FGF16: variants seen among roughly 807,000 people sequenced by gnomAD.
The protein encoded by FGF16 is metacarpal 4-5 fusion.
FGF16 carries 2 observed loss-of-function variants against 8.5 expected under a neutral mutation model. That is an observed-to-expected ratio of 0.24 (90% CI 0.10 to 0.75). The LOEUF (loss-of-function observed/expected upper bound fraction) is 0.75. Among genes scored for constraint, FGF16 ranks in the 30% least tolerant of loss-of-function variants. The probability of loss-of-function intolerance (pLI) is 0.74; values close to 1 mark genes in which losing one functional copy is unlikely to be tolerated. For synonymous variants in FGF16, 33 were observed against 34.6 expected, an observed-to-expected ratio of 0.95 and a Z score of 0.16; for missense variants, 79 against 87.4, an observed-to-expected ratio of 0.90 and a Z score of 0.38.
At chrX:77,454,802 T>A (rs886892361) in intron 2 of FGF16, among the ~76,000 whole-genome samples, 1 of 84,816 alleles carries the variant, frequency 1.2e-5, no homozygotes, top group East Asian at 3.7e-4. Flanking sequence ...TTTTTTTTTT[T>A]TTTTTTTGCT....
chrX:77,450,091 A>T (rs2062552508), intron 1 of FGF16, among the ~76,000 whole-genome samples: 1 of 112,344 alleles, frequency 8.9e-6, no homozygotes. Flanking sequence ...TCCACATTTG[A>T]GTTAATCAGC....
chrX:77,453,102 G>C (rs2062562028), intron 1 of FGF16, among the ~76,000 whole-genome samples: 1 of 111,165 alleles, frequency 9.0e-6, no homozygotes, highest in African/African-American at 3.3e-5. Flanking sequence ...CAAAAAAACA[G>C]AATTGCAATT....
chrX:77,450,694 C>T (rs1428179481), intron 1 of FGF16, among the ~76,000 whole-genome samples: 4 of 112,542 alleles, frequency 3.6e-5, no homozygotes, highest in Non-Finnish European at 7.5e-5. Flanking sequence ...TTAAATGACA[C>T]ATTAGACAGT....
intron 1 of FGF16, among the ~76,000 whole-genome samples, chrX:77,450,693 A>C (rs142597272): frequency 8.9e-6 from 1 of 112,707 alleles, no homozygotes; most frequent in Non-Finnish European, 1.9e-5. Flanking sequence ...ATTAAATGAC[A>C]CATTAGACAG....
Position 77,456,557 on chromosome X carries a change from C to A in FGF16, c.*35C>A, listed in dbSNP as rs2062573138. 8 of 1,171,818 alleles carry A rather than the reference C, an allele frequency of 6.8e-6. No individual in the cohort carries two copies. Among genetic ancestry groups the A allele is most frequent in the Non-Finnish European group, 8.1e-6 (7 of 864,560 alleles). ...GGTGTGCCCTCTGTGACCCATGTAC[C>A]CTGGGGCCACGGTTGTCTCTGCAAG... On this transcript the variant is annotated 3_prime_UTR_variant, in exon 3 of 3. Coordinates refer to ENST00000439435, the MANE Select transcript of FGF16 (RefSeq NM_003868.3).
At chrX:77,450,945 G>T (rs2062555510) in intron 1 of FGF16, among the ~76,000 whole-genome samples, 1 of 111,900 alleles carries the variant, frequency 8.9e-6, no homozygotes, top group Non-Finnish European at 1.9e-5. Context: ...CCCCTGTCCA[G>T]CTGTAGCTGG....
At position 77,447,486 on chromosome X, in the gene FGF16, C is replaced by T. The variant is rs1033066225; in HGVS notation, c.-189C>T. On this transcript the variant is annotated 5_prime_UTR_variant, in exon 1 of 3. Coordinates refer to ENST00000439435, the MANE Select transcript of FGF16 (RefSeq NM_003868.3). ...TCAGGAGCACGCTGCCCCGCGCTCC[C>T]CGCCACTGAGAAGTTCCTTGGACGC... 121 of 277,356 alleles carry T rather than the reference C, an allele frequency of 4.4e-4. No individual in the cohort carries two copies. The highest frequency in any genetic ancestry group is 7.2e-4 in the Non-Finnish European group (114 of 158,385). The allele number at this position is 277,356 out of a possible 1,213,427, so 22.9% of individuals were successfully genotyped here.
At chrX:77,453,818 C>A (rs1368299902) in intron 1 of FGF16, among the ~76,000 whole-genome samples, 1 of 111,619 alleles carries the variant, frequency 9.0e-6, no homozygotes, top group African/African-American at 3.3e-5. Context: ...AGAAAACTTC[C>A]CGTTTCTTGA....
intron 1 of FGF16, among the ~76,000 whole-genome samples, chrX:77,450,566 A>G (rs1213725488): frequency 1.8e-5 from 2 of 112,821 alleles, no homozygotes; most frequent in Non-Finnish European, 3.7e-5. Context: ...GGGCTCATGC[A>G]GCTGCCTTGG....
intron 1 of FGF16, among the ~76,000 whole-genome samples, chrX:77,453,476 C>A (rs1465970986): frequency 8.9e-6 from 1 of 112,420 alleles, no homozygotes; most frequent in Non-Finnish European, 1.9e-5. Context: ...CACCTGCCAA[C>A]TCTTTGCTGT....
rs782317053 is a variant in FGF16 at position 77,456,305 on chromosome X, G to A, written c.407G>A (p.Arg136Gln). ...SKKLTRECVF[R>Q]EQFEENWYNT... ...AAACTCACACGTGAATGTGTTTTCC[G>A]GGAACAGTTTGAAGAAAACTGGTAC... The change falls in exon 3 of 3, where the codon CGG becomes CAG. Residue 136 changes from arginine (R) to glutamine (Q), a missense_variant. By Grantham distance (43) the Arg-to-Gln change is conservative. Transcript: ENST00000439435. The A allele has an allele frequency of 9.1e-6, 11 of 1,208,700 alleles. No individual in the cohort carries two copies. The East Asian group carries it at 2.4e-4, about 26-fold the overall frequency.
At chrX:77,451,829 C>T (rs1252814822) in intron 1 of FGF16, among the ~76,000 whole-genome samples, 1 of 112,046 alleles carries the variant, frequency 8.9e-6, no homozygotes. Context: ...GCCACATTTC[C>T]CCATTGCAGA....
At position 77,456,309 on chromosome X, in the gene FGF16, A is replaced by C. The variant is rs781941470; in HGVS notation, c.411A>C (p.Glu137Asp). 5 of 1,207,089 alleles carry C rather than the reference A, an allele frequency of 4.1e-6. No homozygotes were observed. The highest frequency in any genetic ancestry group is 5.6e-6 in the Non-Finnish European group (5 of 892,381). The change falls in exon 3 of 3, where the codon GAA becomes GAC. Residue 137 changes from glutamate to aspartate, a missense_variant. Coordinates refer to ENST00000439435, the MANE Select transcript of FGF16 (RefSeq NM_003868.3). ...KKLTRECVFR[E>D]QFEENWYNTY... is the part of the protein sequence containing the mutation. ...TCACACGTGAATGTGTTTTCCGGGA[A>C]CAGTTTGAAGAAAACTGGTACAACA...
At position 77,457,194 on chromosome X, in the gene FGF16, C is replaced by T; in HGVS notation, c.*672C>T. ...AGAGATGCGATGGCTGGATTTTCAT[C>T]AGAAAGAATAAGGTCCTACTGAAAC... On this transcript the variant is annotated 3_prime_UTR_variant, in exon 3 of 3. Coordinates refer to ENST00000439435, the MANE Select transcript of FGF16 (RefSeq NM_003868.3). 1 of 111,621 alleles carries T rather than the reference C, an allele frequency of 9.0e-6. No homozygotes were observed. The highest frequency in any genetic ancestry group is 3.8e-4 in the South Asian group (1 of 2,659). The allele number at this position is 111,621 out of a possible 1,213,427, so 9.2% of individuals were successfully genotyped here.
Position 77,456,736 on chromosome X carries a change from G to T in FGF16, c.*214G>T. On this transcript the variant is annotated 3_prime_UTR_variant, in exon 3 of 3. Transcript: ENST00000439435. ...GAGGGATGGGGGGCTGGGCTCGAGG[G>T]AATCTTGTATATACTTTTTTCTTTA... is the stretch of plus-strand genomic sequence containing the variant. 2.7e-6 allele frequency: 1 copy of T among 371,043 alleles called. No individual in the cohort carries two copies. The highest frequency in any genetic ancestry group is 4.7e-6 in the Non-Finnish European group (1 of 214,111). The allele number at this position is 371,043 out of a possible 1,213,427, so 30.6% of individuals were successfully genotyped here.
In FGF16 at chrX:77,447,533, C is replaced by T. The variant is rs1386449203; in HGVS notation, c.-142C>T. 2 of 282,912 alleles carry T rather than the reference C, an allele frequency of 7.1e-6. No individual in the cohort carries two copies. Among genetic ancestry groups the T allele is most frequent in the South Asian group, 2.3e-4 (1 of 4,388 alleles). The allele number at this position is 282,912 out of a possible 1,213,427, so 23.3% of individuals were successfully genotyped here. ...ACGCGAACAGACGTCGACTGCAGCT[C>T]GGCAGAGCGCGGAGCAAGCGAGCTA... On this transcript the variant is annotated 5_prime_UTR_variant, in exon 1 of 3. Transcript: ENST00000439435.
intron 2 of FGF16, 107 bp downstream of exon 2, chrX:77,454,367 G>C (rs1557026934): frequency 2.2e-6 from 1 of 458,327 alleles, no homozygotes; most frequent in African/African-American, 2.9e-5. Flanking sequence ...TATTTATCTG[G>C]GGACCAGGCA....
At chrX:77,454,125 G>A in intron 1 of FGF16, 32 bp from the exon 2 acceptor site, 3 of 948,715 alleles carry the variant, frequency 3.2e-6, no homozygotes, top group Non-Finnish European at 4.5e-6. Flanking sequence ...TTTGATGCTG[G>A]TAATGGGAAT....
Position 77,447,562 on chromosome X carries a change from A to C in FGF16, c.-113A>C, listed in dbSNP as rs1222689708. ...AGAGCGCGGAGCAAGCGAGCTAGCG[A>C]GGGAGCGCCGCCGAACCGCCCGCGC... On this transcript the variant is annotated 5_prime_UTR_variant, in exon 1 of 3. Transcript: ENST00000439435. The C allele has an allele frequency of 1.0e-5, 3 of 286,203 alleles. No homozygotes were observed. The highest frequency in any genetic ancestry group is 8.3e-5 in the African/African-American group (3 of 36,090). 23.6% of individuals were successfully genotyped at this position (286,203 alleles called of 1,213,427 possible). A position where few individuals can be genotyped will look rare whatever the true frequency, so the allele number is the denominator to read the frequency against.
Sources: allele counts gnomAD v4.1 joint callset (sites outside exome capture counted in the v4.1 genomes callset), GRCh38; gene constraint gnomAD v4.1.1; transcripts MANE v1.5; gene names NCBI Gene and HGNC (gene_info 2026-07-23, HGNC 2026-07-21).